CCDC30: variants seen among roughly 807,000 people sequenced by gnomAD.
CCDC30 encodes coiled-coil domain containing 30.
A neutral mutation model predicts 100.2 loss-of-function variants in CCDC30; 70 were observed. The ratio of observed to expected loss-of-function variants is 0.70; its 90% confidence interval spans 0.58 to 0.85. CCDC30 has a LOEUF of 0.85. Ranked by LOEUF, CCDC30 falls within the 40% of genes least tolerant of loss-of-function variation. CCDC30 has a pLI of 0.00. For synonymous variants in CCDC30, 233 were observed against 269.5 expected, an observed-to-expected ratio of 0.86 and a Z score of 1.33; for missense variants, 652 against 771.2, an observed-to-expected ratio of 0.85 and a Z score of 1.83.
intron 7 of CCDC30, among the ~76,000 whole-genome samples, chr1:42,572,151 T>C (rs1333434210): frequency 6.6e-6 from 1 of 152,258 alleles, no homozygotes; most frequent in Non-Finnish European, 1.5e-5. Context: ...AGGTTCCCAT[T>C]GCTCTACATC....
chr1:42,457,184 A>C, the CCDC30 span: 5 of 1,606,806 alleles, frequency 3.1e-6, no homozygotes, highest in Non-Finnish European at 4.3e-6. Context: ...ACCCGAGTTG[A>C]GAAGGAGCTG....
At position 42,545,186 on chromosome 1, in the gene CCDC30, A is replaced by AAAAT. The variant is rs760685126; in HGVS notation, c.457-21108_457-21107insATAA. ...TTAAAAAAAAAAAAAAAAAAAAAAA[A>AAAAT]AAGGGAATTTACATACCCTTATGCC... On this transcript the variant is annotated intron_variant, in intron 6 of 16. Transcript: ENST00000668663. Among the ~76,000 whole-genome samples the AAAAT allele has an allele frequency of 3.7e-3, 472 of 126,124 alleles. 24 individuals are homozygous for AAAAT. Among genetic ancestry groups the AAAAT allele is most frequent in the Non-Finnish European group, 6.2e-3 (358 of 57,290 alleles). The allele number at this position is 126,124 out of a possible 152,430, so 82.7% of individuals were successfully genotyped here.
chr1:42,566,400 T>C (rs1645607110), exon 7 of CCDC30: 1 of 1,613,768 alleles, frequency 6.2e-7, no homozygotes, highest in African/African-American at 1.3e-5. Flanking sequence ...CAGCTGAAAA[T>C]GAGCTTCGAT....
chr1:42,647,567 C>T (rs1308695514), intron 15 of CCDC30, among the ~76,000 whole-genome samples: 1 of 152,212 alleles, frequency 6.6e-6, no homozygotes, highest in Non-Finnish European at 1.5e-5. Context: ...TTAAACTACA[C>T]ACTAGACCTA....
At chr1:42,459,610 T>C (rs769268931), upstream of CCDC30, 1 of 1,613,030 alleles carries the variant, frequency 6.2e-7, no homozygotes, top group South Asian at 1.1e-5. Flanking sequence ...CAGATAACAA[T>C]GAAGATGGTG....
At chr1:42,554,762 T>A (rs915312553) in intron 6 of CCDC30, among the ~76,000 whole-genome samples, 1 of 152,224 alleles carries the variant, frequency 6.6e-6, no homozygotes, top group African/African-American at 2.4e-5. Context: ...CCATTGAAGG[T>A]GCATTCCCTC....
At chr1:42,615,774 C>T (rs1646716071) in intron 11 of CCDC30, among the ~76,000 whole-genome samples, 1 of 152,098 alleles carries the variant, frequency 6.6e-6, no homozygotes, top group Admixed American at 6.6e-5. Context: ...TGTCCAGAAC[C>T]CAGCATGTAC....
intron 15 of CCDC30, among the ~76,000 whole-genome samples, chr1:42,651,701 A>C (rs1648365933): frequency 6.6e-6 from 1 of 151,594 alleles, no homozygotes; most frequent in African/African-American, 2.4e-5. Flanking sequence ...CTGTATCTAC[A>C]AAAAAAAATT....
chr1:42,642,509 G>T (rs940438003), exon 13 of CCDC30: 2 of 1,598,988 alleles, frequency 1.3e-6, no homozygotes, highest in Non-Finnish European at 1.7e-6. Context: ...TGCCCAAAAT[G>T]ATACCCTGCT....
chr1:42,600,997 C>T (rs1352355521), intron 10 of CCDC30, among the ~76,000 whole-genome samples: 2 of 152,250 alleles, frequency 1.3e-5, no homozygotes, highest in East Asian at 1.9e-4. Context: ...AATTAAATCT[C>T]ATTTCTTCAT....
At chr1:42,470,194 G>C (rs1427924150) in intron 1 of CCDC30, among the ~76,000 whole-genome samples, 1 of 152,144 alleles carries the variant, frequency 6.6e-6, no homozygotes. Context: ...CTGGTAGTTT[G>C]AGAGAGGATG....
At chr1:42,538,862 G>A (rs1644959443) in intron 6 of CCDC30, among the ~76,000 whole-genome samples, 2 of 152,188 alleles carry the variant, frequency 1.3e-5, no homozygotes, top group South Asian at 4.1e-4. Flanking sequence ...GATAGTCATT[G>A]CAAGCATTGC....
At chr1:42,579,463 A>G (rs1645914800) in intron 8 of CCDC30, among the ~76,000 whole-genome samples, 1 of 150,990 alleles carries the variant, frequency 6.6e-6, no homozygotes, top group Admixed American at 6.6e-5. Context: ...GTGAAACCCC[A>G]TCTCTACTAA....
intron 2 of CCDC30, among the ~76,000 whole-genome samples, chr1:42,481,174 A>G (rs1569748248): frequency 6.6e-6 from 1 of 152,142 alleles, no homozygotes; most frequent in Non-Finnish European, 1.5e-5. Flanking sequence ...TATTTTGAAC[A>G]CATCACAAAA....
intron 6 of CCDC30, among the ~76,000 whole-genome samples, chr1:42,562,166 G>C (rs1314605923): frequency 1.3e-5 from 2 of 152,124 alleles, no homozygotes; most frequent in African/African-American, 4.8e-5. Flanking sequence ...TAAGCAAAAA[G>C]AACAAAGCTG....
intron 10 of CCDC30, among the ~76,000 whole-genome samples, chr1:42,597,195 A>G (rs1646306892): frequency 6.6e-6 from 1 of 152,232 alleles, no homozygotes; most frequent in South Asian, 2.1e-4. Flanking sequence ...ATATAGATAC[A>G]TATGGGAAAT....
At chr1:42,553,060 C>A (rs1645287160) in intron 6 of CCDC30, among the ~76,000 whole-genome samples, 1 of 152,166 alleles carries the variant, frequency 6.6e-6, no homozygotes, top group African/African-American at 2.4e-5. Context: ...GCTTTGCTGG[C>A]ATAAGTGGAG....
At chr1:42,511,474 C>T (rs1411211509) in intron 6 of CCDC30, among the ~76,000 whole-genome samples, 2 of 152,102 alleles carry the variant, frequency 1.3e-5, no homozygotes, top group Non-Finnish European at 2.9e-5. Flanking sequence ...ACTTCTGGAC[C>T]TAAAATTCCC....
At chr1:42,633,872 T>C (rs1461772687) in intron 11 of CCDC30, among the ~76,000 whole-genome samples, 1 of 152,172 alleles carries the variant, frequency 6.6e-6, no homozygotes, top group Non-Finnish European at 1.5e-5. Flanking sequence ...CAGTTCAGCA[T>C]GGCTGAGAAG....
Sources: gnomAD v4.1 joint callset for allele counts (sites outside exome capture counted in the v4.1 genomes callset) on GRCh38, gnomAD v4.1.1 for gene constraint, MANE v1.5 for transcripts, NCBI Gene and HGNC (gene_info 2026-07-23, HGNC 2026-07-21) for gene names.